Variants in TRPM6 observed in about 807,000 individuals in gnomAD.
TRPM6 encodes the protein transient receptor potential cation channel subfamily M member 6.
Under a neutral mutation model 247.6 loss-of-function variants are expected in TRPM6, and 111 were observed. The observed-to-expected ratio is 0.45, with a 90% CI of 0.38 to 0.52. TRPM6 has a LOEUF of 0.52. Among genes scored for constraint, TRPM6 ranks in the 20% least tolerant of loss-of-function variants. The pLI, the probability that TRPM6 is intolerant of heterozygous loss-of-function variation, is 0.00. For synonymous variants in TRPM6, 892 were observed against 853.8 expected (o/e 1.04, Z -0.78); for missense variants, 2,126 against 2,421.5 (o/e 0.88, Z 2.56).
chr9:74,805,165 T>C (rs1828488199), intron 14 of TRPM6, among the ~76,000 whole-genome samples: 2 of 152,218 alleles, frequency 1.3e-5, no homozygotes, highest in Non-Finnish European at 2.9e-5. Flanking sequence ...GGCAAAACCA[T>C]AAACAGGATG....
At chr9:74,754,731 T>C (rs1165585100) in intron 28 of TRPM6, among the ~76,000 whole-genome samples, 1 of 152,222 alleles carries the variant, frequency 6.6e-6, no homozygotes, top group Non-Finnish European at 1.5e-5. Flanking sequence ...GGTAAATGTC[T>C]CTTATCTAAT....
chr9:74,808,801 A>G (rs1828624985), intron 13 of TRPM6, among the ~76,000 whole-genome samples: 3 of 152,248 alleles, frequency 2.0e-5, no homozygotes. Context: ...ATAGAATGAC[A>G]AAGTCAAATT....
chr9:74,812,601 C>T (rs1452169448), intron 11 of TRPM6, among the ~76,000 whole-genome samples, 168 bp from the exon 12 acceptor site: 1 of 151,426 alleles, frequency 6.6e-6, no homozygotes, highest in Non-Finnish European at 1.5e-5. Flanking sequence ...TAAATACAGT[C>T]TTACTAGGCC....
intron 23 of TRPM6, among the ~76,000 whole-genome samples, chr9:74,777,730 G>T (rs1390930053): frequency 6.6e-6 from 1 of 152,128 alleles, no homozygotes; most frequent in African/African-American, 2.4e-5. Context: ...TCTCACTGTG[G>T]CACCTTCTAC....
intron 3 of TRPM6, among the ~76,000 whole-genome samples, chr9:74,850,777 T>C (rs1830280646): frequency 6.6e-6 from 1 of 151,888 alleles, no homozygotes; most frequent in African/African-American, 2.4e-5. Flanking sequence ...TGGGGTTCCA[T>C]ATGGAAAGGT....
intron 28 of TRPM6, among the ~76,000 whole-genome samples, chr9:74,753,110 C>T (rs1238381680): frequency 9.6e-6 from 1 of 104,210 alleles, no homozygotes; most frequent in African/African-American, 3.4e-5. Flanking sequence ...GAGACTGTCT[C>T]AAAAAAAAAA....
In TRPM6 at chr9:74,808,071, A is replaced by T. The variant is rs1465648692; in HGVS notation, c.1601T>A (p.Phe534Tyr). Residue 534 changes from phenylalanine to tyrosine, a missense_variant, in exon 14 of 39, where the codon TTC becomes TAC. By Grantham distance (22) the Phe-to-Tyr change is conservative. Coordinates refer to ENST00000360774, the MANE Select transcript of TRPM6 (RefSeq NM_017662.5). ...AYRSNYTRKH[F>Y]RALYNNLYRK... ...GTAGAGGTTGTTGTAGAGGGCTCTG[A>T]AATGTTTTCTAGTGTAGTTGCTGCG... The T allele has an allele frequency of 1.2e-6, 2 of 1,614,012 alleles. No individual in the cohort carries two copies. The highest frequency in any genetic ancestry group is 1.7e-5 in the Admixed American group (1 of 60,016).
intron 24 of TRPM6, among the ~76,000 whole-genome samples, chr9:74,774,023 T>A (rs1035601448): frequency 6.6e-6 from 1 of 152,138 alleles, no homozygotes; most frequent in Non-Finnish European, 1.5e-5. Context: ...CCAGAGTAAT[T>A]CCAATGACAG....
intron 19 of TRPM6, among the ~76,000 whole-genome samples, chr9:74,791,969 G>A (rs185517064): frequency 1.2e-4 from 18 of 152,236 alleles, no homozygotes; most frequent in African/African-American, 3.4e-4. Flanking sequence ...ATGTTACCCA[G>A]GATGGTCTCA....
chr9:74,783,166 T>C (rs1181886835), intron 21 of TRPM6, among the ~76,000 whole-genome samples: 1 of 149,294 alleles, frequency 6.7e-6, no homozygotes, highest in Non-Finnish European at 1.5e-5. Context: ...TTGCCCCCAG[T>C]TGGACCATAG....
intron 1 of TRPM6, among the ~76,000 whole-genome samples, chr9:74,877,028 G>A (rs1831212714): frequency 6.6e-6 from 1 of 152,170 alleles, no homozygotes; most frequent in South Asian, 2.1e-4. Context: ...GCAAAACCAT[G>A]CAGTCTTCAT....
At chr9:74,866,568 A>T (rs1587597609) in intron 1 of TRPM6, among the ~76,000 whole-genome samples, 1 of 151,318 alleles carries the variant, frequency 6.6e-6, no homozygotes, top group South Asian at 2.1e-4. Context: ...TGCAACCTCA[A>T]CCTCCCAGAT....
intron 28 of TRPM6, among the ~76,000 whole-genome samples, chr9:74,753,763 T>C (rs1465761047): frequency 6.6e-6 from 1 of 152,190 alleles, no homozygotes; most frequent in African/African-American, 2.4e-5. Context: ...CTTTTATTTT[T>C]TTAATTCTTT....
At chr9:74,844,853 T>C (rs1830057881) in intron 3 of TRPM6, among the ~76,000 whole-genome samples, 1 of 152,158 alleles carries the variant, frequency 6.6e-6, no homozygotes, top group Non-Finnish European at 1.5e-5. Context: ...TTTCTAGCTT[T>C]TGATTTAAAC....
chr9:74,827,540 C>A (rs1829381114), intron 7 of TRPM6, among the ~76,000 whole-genome samples: 1 of 151,640 alleles, frequency 6.6e-6, no homozygotes, highest in African/African-American at 2.4e-5. Flanking sequence ...AGGAAGAAAT[C>A]TTTGGGGGGA....
chr9:74,827,452 C>A (rs1287393603), intron 7 of TRPM6, among the ~76,000 whole-genome samples: 1 of 152,114 alleles, frequency 6.6e-6, no homozygotes, highest in Non-Finnish European at 1.5e-5. Flanking sequence ...TAAGTGAGCA[C>A]CTTGACCATG....
intron 9 of TRPM6, among the ~76,000 whole-genome samples, chr9:74,817,841 A>G (rs989206286): frequency 1.3e-5 from 2 of 152,214 alleles, no homozygotes; most frequent in Non-Finnish European, 2.9e-5. Context: ...AAAAGCCAAG[A>G]TTGGCAAGAC....
chr9:74,887,245 T>C, intron 1 of TRPM6: 1 of 1,275,698 alleles, frequency 7.8e-7, no homozygotes, highest in Non-Finnish European at 9.9e-7. Flanking sequence ...ACCGGCGCTG[T>C]CATCGCTCCG....
At chr9:74,795,745 T>G (rs928771062) in intron 18 of TRPM6, among the ~76,000 whole-genome samples, 1 of 152,240 alleles carries the variant, frequency 6.6e-6, no homozygotes, top group Non-Finnish European at 1.5e-5. Flanking sequence ...TCACAGGTCA[T>G]GTTTTCAAGA....
Sources: gnomAD v4.1 joint callset for allele counts (sites outside exome capture counted in the v4.1 genomes callset) on GRCh38, gnomAD v4.1.1 for gene constraint, MANE v1.5 for transcripts, NCBI Gene and HGNC (gene_info 2026-07-23, HGNC 2026-07-21) for gene names.